ARHGAP5: variants seen among roughly 807,000 people sequenced by gnomAD.
ARHGAP5 encodes the protein Rho GTPase activating protein 5.
In ARHGAP5, 23 loss-of-function variants were observed where a neutral mutation model predicts 116.6. The observed-to-expected ratio is 0.20, with a 90% CI of 0.14 to 0.28. The LOEUF (loss-of-function observed/expected upper bound fraction) is 0.28. ARHGAP5 is among the 10% of genes least tolerant of loss of function. The probability of loss-of-function intolerance (pLI) is 1.00; values close to 1 mark genes in which losing one functional copy is unlikely to be tolerated. For missense variants in ARHGAP5, 1,405 were observed against 1,774.8 expected (o/e 0.79, Z 3.74); for synonymous variants, 574 against 602.0 (o/e 0.95, Z 0.68).
At chr14:32,128,642 C>G (rs1225295080) in intron 3 of ARHGAP5, among the ~76,000 whole-genome samples, 2 of 152,226 alleles carry the variant, frequency 1.3e-5, no homozygotes. Flanking sequence ...GCAGGCAGCC[C>G]CAGGCCCCGG....
At chr14:32,111,406 AGACT>A (rs772071678) in intron 2 of ARHGAP5, among the ~76,000 whole-genome samples, 172 of 152,358 alleles carry the variant, frequency 1.1e-3, no homozygotes, top group Middle Eastern at 3.4e-3. Flanking sequence ...TCCAGTGAAG[AGACT>A]GACTGCTGAA....
intron 3 of ARHGAP5, among the ~76,000 whole-genome samples, chr14:32,130,837 C>A (rs562434960): frequency 2.0e-5 from 3 of 152,288 alleles, no homozygotes; most frequent in Middle Eastern, 3.4e-3. Flanking sequence ...AGCCTGTTTT[C>A]ATTTTCTCAC....
intron 3 of ARHGAP5, among the ~76,000 whole-genome samples, chr14:32,124,751 A>G (rs1880056698): frequency 6.6e-6 from 1 of 152,214 alleles, no homozygotes; most frequent in Non-Finnish European, 1.5e-5. Flanking sequence ...ACACAGTTGT[A>G]TATATGGCTA....
intron 3 of ARHGAP5, among the ~76,000 whole-genome samples, chr14:32,138,243 T>C (rs550410967): frequency 1.6e-4 from 25 of 151,926 alleles, no homozygotes; most frequent in Non-Finnish European, 3.2e-4. Flanking sequence ...CCTGCAACTT[T>C]GCTGAATTTT....
intron 2 of ARHGAP5, among the ~76,000 whole-genome samples, chr14:32,115,346 C>A (rs1411156739): frequency 1.3e-5 from 2 of 152,128 alleles, no homozygotes; most frequent in Non-Finnish European, 2.9e-5. Context: ...TTGTACATTA[C>A]TTATGAATGT....
In ARHGAP5 at chr14:32,092,887, A is replaced by G; in HGVS notation, c.2218A>G (p.Lys740Glu). Residue 740 changes from lysine to glutamate, a missense_variant, in exon 2 of 7, where the codon AAA (lysine) becomes GAA (glutamate). Physicochemically the swap from Lys to Glu is moderately conservative, Grantham distance 56 (BLOSUM62 1). Coordinates refer to ENST00000345122, the MANE Select transcript of ARHGAP5 (RefSeq NM_001030055.2). The surrounding 1 kb of genome is among the most constrained non-coding windows in gnomAD (Gnocchi z 4.1). ...VDVPAGTYPR[K>E]FNETQIKQAL... ...TGTACCTGCTGGTACATATCCTCGTAAATTTAATGAAACCCAAATAAAGCA... is the reference window on the plus strand; with the variant it reads ...TGTACCTGCTGGTACATATCCTCGTGAATTTAATGAAACCCAAATAAAGCA... 1 of 1,614,016 alleles carries G rather than the reference A, an allele frequency of 6.2e-7. No homozygotes were observed. The highest frequency in any genetic ancestry group is 2.2e-5 in the East Asian group (1 of 44,878).
At chr14:32,106,678 G>A (rs1479642850) in intron 2 of ARHGAP5, among the ~76,000 whole-genome samples, 2 of 152,192 alleles carry the variant, frequency 1.3e-5, no homozygotes, top group Non-Finnish European at 2.9e-5. Context: ...GCCATTTGCA[G>A]TATGGCCTTT....
intron 2 of ARHGAP5, among the ~76,000 whole-genome samples, chr14:32,109,701 T>C (rs1879191859): frequency 6.6e-6 from 1 of 152,124 alleles, no homozygotes; most frequent in Non-Finnish European, 1.5e-5. Flanking sequence ...TTTTCAGGCG[T>C]TTGAAACTAT....
rs1189215592 is a variant in ARHGAP5, at chr14:32,092,675, G to A, written c.2006G>A (p.Ser669Asn). Reference protein sequence around the residue: ...FCVFNSIESLSFIGEFIGKIR... With the variant: ...FCVFNSIESLNFIGEFIGKIR... ...GTATTTAATTCCATTGAGTCATTGAGTTTTATTGGGGAATTTATTGGGAAA... is the reference window on the plus strand; with the variant it reads ...GTATTTAATTCCATTGAGTCATTGAATTTTATTGGGGAATTTATTGGGAAA... The change falls in exon 2 of 7, where the codon AGT (serine) becomes AAT (asparagine). Residue 669 changes from serine (S) to asparagine (N), a missense_variant. This residue lies in a region of ARHGAP5 where 944 missense variants were observed against 1,095.3 expected (regional missense o/e 0.86). Transcript: ENST00000345122. The surrounding 1 kb of genome is among the most constrained non-coding windows in gnomAD (Gnocchi z 4.1). 1.2e-6 allele frequency: 2 copies of A among 1,613,924 alleles called. No homozygotes were observed. The highest frequency in any genetic ancestry group is 1.7e-6 in the Non-Finnish European group (2 of 1,179,878).
chr14:32,097,582 C>G (rs1053605938), intron 2 of ARHGAP5, among the ~76,000 whole-genome samples: 31 of 152,022 alleles, frequency 2.0e-4, no homozygotes, highest in African/African-American at 6.8e-4. Context: ...AATAAAACAT[C>G]ACTTCTATTC....
chr14:32,078,723 G>A (rs2041740866), intron 1 of ARHGAP5, among the ~76,000 whole-genome samples: 3 of 152,104 alleles, frequency 2.0e-5, no homozygotes, highest in Admixed American at 2.0e-4. Flanking sequence ...ATGGGAGCTT[G>A]CTCTACATTT....
chr14:32,109,770 C>T (rs1316312724), intron 2 of ARHGAP5, among the ~76,000 whole-genome samples: 3 of 151,904 alleles, frequency 2.0e-5, no homozygotes, highest in Admixed American at 1.3e-4. Flanking sequence ...GTGTAAGTTG[C>T]GAGTTATACA....
intron 2 of ARHGAP5, among the ~76,000 whole-genome samples, chr14:32,104,293 C>T (rs1478197742): frequency 6.6e-6 from 1 of 152,104 alleles, no homozygotes; most frequent in African/African-American, 2.4e-5. Flanking sequence ...AAAATATCTG[C>T]CACATATATA....
chr14:32,135,486 G>A (rs1470439460), intron 3 of ARHGAP5, among the ~76,000 whole-genome samples: 1 of 152,202 alleles, frequency 6.6e-6, no homozygotes, highest in Non-Finnish European at 1.5e-5. Flanking sequence ...ACAGTGGCGT[G>A]ATCTAGCCTC....
At chr14:32,128,768 C>T (rs762216727) in intron 3 of ARHGAP5, among the ~76,000 whole-genome samples, 8 of 152,142 alleles carry the variant, frequency 5.3e-5, no homozygotes, top group Non-Finnish European at 1.0e-4. Context: ...ATTTTATTTG[C>T]TAGTATTTTG....
At chr14:32,143,239 G>GTTGTTGTTGTTGTTATTA (rs1456165613) in intron 3 of ARHGAP5, among the ~76,000 whole-genome samples, 26 of 143,972 alleles carry the variant, frequency 1.8e-4, no homozygotes, top group African/African-American at 6.7e-4. Context: ...TGTTGTTGTT[G>GTTGTTGTTGTTGTTATTA]TTATTATTAT....
chr14:32,081,695 C>G (rs575560711), intron 1 of ARHGAP5, among the ~76,000 whole-genome samples: 13 of 151,772 alleles, frequency 8.6e-5, no homozygotes, highest in Non-Finnish European at 1.5e-4. Flanking sequence ...AACTATTTGT[C>G]TAGTTACTGT....
At chr14:32,147,060 T>G (rs546843931) in intron 4 of ARHGAP5, among the ~76,000 whole-genome samples, 102 of 152,348 alleles carry the variant, frequency 6.7e-4, no homozygotes, top group Middle Eastern at 6.8e-3. Context: ...ATTTGACTTA[T>G]GATTGATCGG....
intron 3 of ARHGAP5, among the ~76,000 whole-genome samples, chr14:32,124,607 C>T (rs1880051333): frequency 6.6e-6 from 1 of 152,102 alleles, no homozygotes. Context: ...TCAGATTGCT[C>T]TGTTAGGGTG....
Sources: allele counts gnomAD v4.1 joint callset (sites outside exome capture counted in the v4.1 genomes callset), GRCh38; gene constraint gnomAD v4.1.1; regional missense constraint gnomAD v4.1.1; non-coding constraint Gnocchi (gnomAD v3.1); transcripts MANE v1.5; gene names NCBI Gene and HGNC (gene_info 2026-07-23, HGNC 2026-07-21).